Variants in TNFRSF19 observed in about 807,000 individuals in gnomAD.
TNFRSF19 encodes the protein TNF receptor superfamily member 19, also known as tumor necrosis factor receptor superfamily member 19.
A neutral mutation model predicts 46.4 loss-of-function variants in TNFRSF19; 27 were observed. The observed-to-expected ratio is 0.58, with a 90% CI of 0.43 to 0.80. The LOEUF is 0.80. TNFRSF19 is among the 30% of genes least tolerant of loss of function. The pLI is 0.00. For missense variants in TNFRSF19, 511 were observed against 530.8 expected (o/e 0.96, Z 0.37); for synonymous variants, 204 against 205.0 (o/e 1.00, Z 0.04).
Position 23,604,002 on chromosome 13 carries a change from C to T in TNFRSF19, c.180+10547C>T, listed in dbSNP as rs146199577. ...CATACAAGAAATCCTACCTCATGCA[C>T]CAAGACAAAATAAAAAAAAAGAAAT... On this transcript the variant is annotated intron_variant, in intron 3 of 9. Coordinates refer to ENST00000248484, the MANE Select transcript of TNFRSF19 (RefSeq NM_148957.4). 7.1e-3 allele frequency among the ~76,000 whole-genome samples: 1,072 copies of T among 151,494 alleles called. 13 individuals carry two copies. The highest frequency in any genetic ancestry group is 0.024 in the African/African-American group (996 of 41,314).
chr13:23,655,762 T>G (rs140134866), intron 5 of TNFRSF19, among the ~76,000 whole-genome samples: 4 of 149,674 alleles, frequency 2.7e-5, no homozygotes, highest in East Asian at 2.0e-4. Flanking sequence ...TTTTTGGTTT[T>G]GTTTTGTTTT....
rs3751361 is a variant in TNFRSF19 at position 23,669,221 on chromosome 13, G to T, written c.1245+124G>T. ...TTTTTTGCATCTTTAATAATTTCTT[G>T]TATGTTGTAGAGTATGTTTTAAAAT... is the stretch of plus-strand genomic sequence containing the variant. On this transcript the variant is annotated intron_variant, in intron 9 of 9. Coordinates refer to ENST00000248484, the MANE Select transcript of TNFRSF19 (RefSeq NM_148957.4). 1.7e-5 allele frequency: 24 copies of T among 1,436,998 alleles called. No homozygotes were observed. In the Admixed American group the frequency reaches 3.7e-4, roughly 22 times the overall value. The allele number at this position is 1,436,998 out of a possible 1,614,324, so 89.0% of individuals were successfully genotyped here.
Position 23,652,380 on chromosome 13 carries a change from G to A in TNFRSF19, c.446-6670G>A, listed in dbSNP as rs535310565. Reference sequence around the variant, plus strand: ...TGGTTCACCTCCTGAAGGTCTTCCCGTTTTCTTCTTTGGGCATTCATTATA... The same window carrying A: ...TGGTTCACCTCCTGAAGGTCTTCCCATTTTCTTCTTTGGGCATTCATTATA... On this transcript the variant is annotated intron_variant, in intron 5 of 9. Transcript: ENST00000248484. 4.6e-5 allele frequency among the ~76,000 whole-genome samples: 7 copies of A among 152,242 alleles called. No homozygotes were observed. The South Asian group carries it at 1.2e-3, about 27-fold the overall frequency.
At position 23,668,917 on chromosome 13, in the gene TNFRSF19, G is replaced by T. The variant is rs1951702783; in HGVS notation, c.1065G>T (p.Leu355Phe). 1 of 1,614,250 alleles carries T rather than the reference G, an allele frequency of 6.2e-7. No homozygotes were observed. Among genetic ancestry groups the T allele is most frequent in the African/African-American group, 1.3e-5 (1 of 75,054 alleles). Residue 355 changes from leucine to phenylalanine, a missense_variant, in exon 9 of 10, where the codon TTG becomes TTT. By Grantham distance (22) the Leu-to-Phe change is conservative. Coordinates refer to ENST00000248484, the MANE Select transcript of TNFRSF19 (RefSeq NM_148957.4). ...TGGATTCAAATAGCAGTCAAGATTT[G>T]GTTGGTGGGGCTGTTCCAGTCCAGT... ...TSLDSNSSQD[L>F]VGGAVPVQSH... is the part of the protein sequence containing the mutation.
chr13:23,583,239 A>G (rs1485602383), intron 1 of TNFRSF19, among the ~76,000 whole-genome samples: 3 of 152,226 alleles, frequency 2.0e-5, no homozygotes, highest in Non-Finnish European at 2.9e-5. Flanking sequence ...TATTTTAGAC[A>G]TTCAAATAAG....
intron 3 of TNFRSF19, among the ~76,000 whole-genome samples, chr13:23,609,009 G>A (rs1461739836): frequency 6.6e-6 from 1 of 152,124 alleles, no homozygotes; most frequent in Non-Finnish European, 1.5e-5. Context: ...GGCGCCTCTC[G>A]CTAGTTCCTT....
At chr13:23,579,746 G>C (rs1418846139) in intron 1 of TNFRSF19, among the ~76,000 whole-genome samples, 1 of 152,206 alleles carries the variant, frequency 6.6e-6, no homozygotes, top group African/African-American at 2.4e-5. Context: ...CGAGGCGGTG[G>C]GAGGGGAGCG....
intron 3 of TNFRSF19, among the ~76,000 whole-genome samples, chr13:23,611,618 G>T (rs1489056862): frequency 6.6e-6 from 1 of 152,144 alleles, no homozygotes; most frequent in African/African-American, 2.4e-5. Flanking sequence ...CTTGTCAAAA[G>T]GCTAAACTCA....
In TNFRSF19 at chr13:23,675,033, A is replaced by G. The variant is rs1026715324; in HGVS notation, c.*1653A>G. 1.3e-5 allele frequency: 2 copies of G among 152,052 alleles called. No homozygotes were observed. The highest frequency in any genetic ancestry group is 1.3e-4 in the Admixed American group (2 of 15,276). 9.4% of individuals were successfully genotyped at this position (152,052 alleles called of 1,614,324 possible). Reference sequence around the variant, plus strand: ...ATTGTAGCCCCAAGCGGTCATGTCAACCTAGTGCCTAGTCATAATTAATTG... The same window carrying G: ...ATTGTAGCCCCAAGCGGTCATGTCAGCCTAGTGCCTAGTCATAATTAATTG... On this transcript the variant is annotated 3_prime_UTR_variant, in exon 10 of 10. Coordinates refer to ENST00000248484, the MANE Select transcript of TNFRSF19 (RefSeq NM_148957.4).
chr13:23,599,773 G>A (rs1388348315), intron 3 of TNFRSF19, among the ~76,000 whole-genome samples: 7 of 152,132 alleles, frequency 4.6e-5, no homozygotes, highest in Admixed American at 1.3e-4. Context: ...CAGACTGAAA[G>A]AGTCTGTTCC....
intron 3 of TNFRSF19, 61 bp downstream of exon 3, chr13:23,593,516 C>T (rs903552224): frequency 3.6e-6 from 4 of 1,126,086 alleles, no homozygotes; most frequent in Non-Finnish European, 5.2e-6. Flanking sequence ...CGTCTTAACT[C>T]AATTCTTTGA....
At position 23,582,270 on chromosome 13, in the gene TNFRSF19, G is replaced by A. The variant is rs12871385; in HGVS notation, c.-34-7880G>A. Among the ~76,000 whole-genome samples, 3 of 151,366 alleles carry A rather than the reference G, an allele frequency of 2.0e-5. No individual in the cohort carries two copies. The South Asian group carries it at 6.3e-4, about 32-fold the overall frequency. ...AAAAAAATTAGCCGGGCGTGGTGGC[G>A]GGCGCCTGTAGTCCCAGCTACTCGG... On this transcript the variant is annotated intron_variant, in intron 1 of 9. Transcript: ENST00000248484.
intron 1 of TNFRSF19, among the ~76,000 whole-genome samples, chr13:23,589,290 GA>G (rs1879080385): frequency 6.6e-6 from 1 of 152,188 alleles, no homozygotes; most frequent in South Asian, 2.1e-4. Context: ...TCCTGGTAAA[GA>G]TAAAGAGGCT....
intron 9 of TNFRSF19, chr13:23,669,502 G>A: frequency 1.0e-6 from 1 of 985,160 alleles, no homozygotes; most frequent in Non-Finnish European, 1.2e-6. Flanking sequence ...TTCATTCACT[G>A]CCAAGTTTAT....
At chr13:23,613,873 C>T (rs746324905) in intron 3 of TNFRSF19, among the ~76,000 whole-genome samples, 3 of 152,208 alleles carry the variant, frequency 2.0e-5, no homozygotes, top group Non-Finnish European at 4.4e-5. Flanking sequence ...CCGCAAAGAC[C>T]CAGCACATGT....
At chr13:23,643,220 G>C (rs1883129433) in intron 5 of TNFRSF19, among the ~76,000 whole-genome samples, 1 of 152,212 alleles carries the variant, frequency 6.6e-6, no homozygotes, top group South Asian at 2.1e-4. Flanking sequence ...AACTGATAGA[G>C]TAAGAAGTTG....
At chr13:23,620,953 C>T (rs535927915) in intron 4 of TNFRSF19, among the ~76,000 whole-genome samples, 13 of 152,298 alleles carry the variant, frequency 8.5e-5, no homozygotes, top group African/African-American at 3.1e-4. Flanking sequence ...GAAACTGGTT[C>T]TCAGAGTGGA....
intron 7 of TNFRSF19, among the ~76,000 whole-genome samples, chr13:23,665,412 A>G (rs1951610691): frequency 6.6e-6 from 1 of 152,200 alleles, no homozygotes; most frequent in African/African-American, 2.4e-5. Flanking sequence ...ATGCCAATGC[A>G]CTGGTTCAGT....
At chr13:23,630,302 TAAAA>T (rs33960618) in intron 5 of TNFRSF19, among the ~76,000 whole-genome samples, 2 of 89,716 alleles carry the variant, frequency 2.2e-5, no homozygotes, top group African/African-American at 4.5e-5. Flanking sequence ...GACCCTGTCT[TAAAA>T]AAAAAAAAAA....
Sources: allele counts gnomAD v4.1 joint callset (sites outside exome capture counted in the v4.1 genomes callset), GRCh38; gene constraint gnomAD v4.1.1; transcripts MANE v1.5; gene names NCBI Gene and HGNC (gene_info 2026-07-23, HGNC 2026-07-21).